Variants in SNX10 observed in about 807,000 individuals in gnomAD.
SNX10 encodes sorting nexin-10.
A neutral mutation model predicts 28.5 loss-of-function variants in SNX10; 25 were observed. That is an observed-to-expected ratio of 0.88 (90% CI 0.64 to 1.22). The LOEUF is 1.22. Among genes scored for constraint, SNX10 ranks in the 50% most tolerant of loss-of-function variants. The pLI is 0.00. For missense variants in SNX10, 223 were observed against 242.6 expected (o/e 0.92, Z 0.54); for synonymous variants, 62 against 81.4 (o/e 0.76, Z 1.28).
At chr7:26,363,055 C>A (rs536999097) in intron 3 of SNX10, among the ~76,000 whole-genome samples, 8 of 152,232 alleles carry the variant, frequency 5.3e-5, no homozygotes, top group Non-Finnish European at 1.0e-4. Flanking sequence ...GGGAAGATAA[C>A]CTGCTCAAGC....
intron 2 of SNX10, chr7:26,353,950 C>T (rs1257094930): frequency 6.6e-6 from 1 of 152,176 alleles, no homozygotes; most frequent in Non-Finnish European, 1.5e-5. Context: ...TTAGAAAATT[C>T]TCATCAAAGC....
intron 1 of SNX10, among the ~76,000 whole-genome samples, chr7:26,324,615 C>T (rs1471605984): frequency 6.6e-6 from 1 of 152,138 alleles, no homozygotes; most frequent in African/African-American, 2.4e-5. Context: ...CCTGTCTCGG[C>T]CTCCCAACAT....
intron 1 of SNX10, among the ~76,000 whole-genome samples, chr7:26,306,586 TG>T (rs1462940010): frequency 6.6e-6 from 1 of 151,832 alleles, no homozygotes; most frequent in Non-Finnish European, 1.5e-5. Flanking sequence ...TTTGTATTTT[TG>T]TAGAGATGGG....
chr7:26,332,708 T>C (rs1787791217), intron 1 of SNX10, among the ~76,000 whole-genome samples: 1 of 152,214 alleles, frequency 6.6e-6, no homozygotes, highest in Non-Finnish European at 1.5e-5. Context: ...TTTTTGCTCT[T>C]ACAAAATGGT....
chr7:26,296,214 A>C (rs1040789299), intron 1 of SNX10, among the ~76,000 whole-genome samples: 3 of 152,216 alleles, frequency 2.0e-5, no homozygotes, highest in African/African-American at 7.2e-5. Flanking sequence ...CTCACTGGGA[A>C]GTAAGCCATC....
intron 1 of SNX10, among the ~76,000 whole-genome samples, chr7:26,293,419 A>G (rs959593059): frequency 1.3e-5 from 2 of 152,006 alleles, no homozygotes; most frequent in Non-Finnish European, 2.9e-5. Flanking sequence ...TGCCCCAGGC[A>G]GGTCTGGAAG....
intron 5 of SNX10, among the ~76,000 whole-genome samples, chr7:26,365,556 A>G (rs1789254561): frequency 6.6e-6 from 1 of 152,188 alleles, no homozygotes; most frequent in Non-Finnish European, 1.5e-5. Context: ...CGGGCTGCTA[A>G]TATCCTTCTG....
intron 1 of SNX10, among the ~76,000 whole-genome samples, chr7:26,316,227 C>G (rs1787086176): frequency 6.6e-6 from 1 of 151,120 alleles, no homozygotes; most frequent in Non-Finnish European, 1.5e-5. Flanking sequence ...AAAATGGGAT[C>G]TCATTTCCTT....
chr7:26,344,767 A>G (rs1452283284), intron 1 of SNX10, among the ~76,000 whole-genome samples: 1 of 152,166 alleles, frequency 6.6e-6, no homozygotes, highest in Non-Finnish European at 1.5e-5. Flanking sequence ...TTCCAACCCC[A>G]GTCTGTCTTT....
At chr7:26,360,833 C>T in intron 2 of SNX10, 142 bp from the exon 3 acceptor site, 3 of 1,461,602 alleles carry the variant, frequency 2.1e-6, no homozygotes, top group East Asian at 2.6e-5. Flanking sequence ...ATTAACTTTA[C>T]TTCTTGTTTT....
At chr7:26,309,167 G>A (rs1416617425) in intron 1 of SNX10, among the ~76,000 whole-genome samples, 1 of 151,940 alleles carries the variant, frequency 6.6e-6, no homozygotes, top group Non-Finnish European at 1.5e-5. Flanking sequence ...TGTTTTCTCT[G>A]CCTGTCCTAA....
chr7:26,304,770 G>T (rs760706790), intron 1 of SNX10, among the ~76,000 whole-genome samples: 2 of 152,222 alleles, frequency 1.3e-5, no homozygotes, highest in Non-Finnish European at 2.9e-5. Context: ...TGTGGCATTT[G>T]ATGCTAAATA....
chr7:26,360,217 C>T (rs1214827776), intron 2 of SNX10, among the ~76,000 whole-genome samples: 2 of 152,098 alleles, frequency 1.3e-5, no homozygotes, highest in African/African-American at 2.4e-5. Flanking sequence ...TCAACTTCAA[C>T]CCTCTTTGCT....
intron 2 of SNX10, among the ~76,000 whole-genome samples, chr7:26,358,393 A>G (rs1788909902): frequency 6.6e-6 from 1 of 152,180 alleles, no homozygotes; most frequent in African/African-American, 2.4e-5. Context: ...ATGTGCTTTT[A>G]AGAAATGATG....
intron 1 of SNX10, among the ~76,000 whole-genome samples, chr7:26,313,088 A>C (rs1416183444): frequency 6.6e-6 from 1 of 152,188 alleles, no homozygotes; most frequent in East Asian, 1.9e-4. Flanking sequence ...GTAGCACGAG[A>C]ATGTCTTATC....
intron 5 of SNX10, among the ~76,000 whole-genome samples, chr7:26,369,684 G>A (rs1562823409): frequency 6.6e-6 from 1 of 152,148 alleles, no homozygotes; most frequent in Non-Finnish European, 1.5e-5. Flanking sequence ...TGTGAGCTGG[G>A]TGAGCCTGGC....
At chr7:26,305,934 G>A (rs568180879) in intron 1 of SNX10, among the ~76,000 whole-genome samples, 1 of 152,008 alleles carries the variant, frequency 6.6e-6, no homozygotes, top group African/African-American at 2.4e-5. Flanking sequence ...TCTCTCTGTC[G>A]CCCAAGCTGG....
At chr7:26,323,525 A>G (rs1254599577) in intron 1 of SNX10, among the ~76,000 whole-genome samples, 1 of 152,062 alleles carries the variant, frequency 6.6e-6, no homozygotes, top group Non-Finnish European at 1.5e-5. Flanking sequence ...CACAGAGGAG[A>G]GGAAGAGAGT....
intron 1 of SNX10, among the ~76,000 whole-genome samples, chr7:26,309,248 C>G (rs1448097966): frequency 6.6e-6 from 1 of 152,112 alleles, no homozygotes; most frequent in African/African-American, 2.4e-5. Flanking sequence ...CCGGTTAGCC[C>G]TGCTATCAGT....
Sources: gnomAD v4.1 joint callset for allele counts (sites outside exome capture counted in the v4.1 genomes callset) on GRCh38, gnomAD v4.1.1 for gene constraint, MANE v1.5 for transcripts, NCBI Gene and HGNC (gene_info 2026-07-23, HGNC 2026-07-21) for gene names.